The following CD320 variants were observed in gnomAD, a reference collection of about 807,000 sequenced individuals.
CD320 encodes CD320 antigen.
In CD320, 16 loss-of-function variants were observed where a neutral mutation model predicts 22.1. The observed-to-expected ratio is 0.73, with a 90% CI of 0.49 to 1.10. The LOEUF is 1.10. CD320 is among the 50% of genes least tolerant of loss of function. CD320 has a pLI of 0.00. For synonymous variants in CD320, 188 were observed against 167.8 expected (o/e 1.12, Z -0.93); for missense variants, 388 against 376.9 (o/e 1.03, Z -0.24).
chr19:8,305,520 C>T, intron 1 of CD320: 1 of 276,258 alleles, frequency 3.6e-6, no homozygotes, highest in Non-Finnish European at 7.3e-6. Flanking sequence ...CCAGCCTGGC[C>T]TACATGGAAA....
rs770916540 is a variant in CD320 at position 8,304,993 on chromosome 19, GCC to G, written c.268+36_268+37del. On this transcript the variant is annotated intron_variant, in intron 2 of 4. Coordinates refer to ENST00000301458, the MANE Select transcript of CD320 (RefSeq NM_016579.4). ...CCCTGACAAACCACCCTCAGGCCCC[GCC>G]CCCTGTAAGCCCCGCCAAGGGGCGT... 6.3e-6 allele frequency: 10 copies of G among 1,597,052 alleles called. No homozygotes were observed. The East Asian group carries it at 2.0e-4, about 32-fold the overall frequency.
rs531950944 is a variant in CD320 at position 8,303,773 on chromosome 19, C to G, written c.502+82G>C. ...AGGCACGGGCAAAGGCATGTGTCCACGCCCCCAGCCTGGCCACGCCCCAGC... is the reference window on the plus strand; with the variant it reads ...AGGCACGGGCAAAGGCATGTGTCCAGGCCCCCAGCCTGGCCACGCCCCAGC... On this transcript the variant is annotated intron_variant, in intron 3 of 4. Transcript: ENST00000301458. 5.4e-6 allele frequency: 5 copies of G among 931,484 alleles called. No individual in the cohort carries two copies. The East Asian group carries it at 1.1e-4, about 20-fold the overall frequency. The allele number at this position is 931,484 out of a possible 1,614,324, so 57.7% of individuals were successfully genotyped here.
At position 8,308,338 on chromosome 19, in the gene CD320, T is replaced by A. The variant is rs1354800864; in HGVS notation, c.-48A>T. 1 of 1,567,852 alleles carries A rather than the reference T, an allele frequency of 6.4e-7. No homozygotes were observed. Among genetic ancestry groups the A allele is most frequent in the Non-Finnish European group, 8.6e-7 (1 of 1,164,226 alleles). ...CCACGCGCTGTCCAGACCGCTCTCT[T>A]ATCCCTGCGCACGCGCACGCGCGGG... On this transcript the variant is annotated 5_prime_UTR_variant, in exon 1 of 5. Transcript: ENST00000301458.
intron 1 of CD320, chr19:8,305,402 G>A (rs1970074454): frequency 2.2e-6 from 1 of 456,412 alleles, no homozygotes; most frequent in Non-Finnish European, 4.1e-6. Flanking sequence ...GGAACCAAGA[G>A]GAGGCCATAC....
chr19:8,308,122 G>T (rs766916072), intron 1 of CD320, 27 bp downstream of exon 1: 2 of 1,471,420 alleles, frequency 1.4e-6, no homozygotes, highest in South Asian at 2.8e-5. Flanking sequence ...CGAGGGGTGG[G>T]AGCCCGCGCT....
chr19:8,302,690 G>A, intron 4 of CD320, 85 bp from the exon 5 acceptor site: 1 of 1,602,622 alleles, frequency 6.2e-7, no homozygotes, highest in South Asian at 1.1e-5. Flanking sequence ...ATGGGGATGG[G>A]AGTTCTGCAG....
At chr19:8,307,583 C>T (rs1447178579) in intron 1 of CD320, among the ~76,000 whole-genome samples, 7 of 152,064 alleles carry the variant, frequency 4.6e-5, no homozygotes, top group Non-Finnish European at 1.0e-4. Flanking sequence ...TAGGCCAGGG[C>T]GAACACGTCC....
rs1416304282 is a variant in CD320 at position 8,302,396 on chromosome 19, G to A, written c.*67C>T. On this transcript the variant is annotated 3_prime_UTR_variant, in exon 5 of 5. Coordinates refer to ENST00000301458, the MANE Select transcript of CD320 (RefSeq NM_016579.4). ...GGCTGGTGTGCCCGGGTACCCATCC[G>A]CATCACTGCTCTCCTCCTGTCCGGC... 9.4e-6 allele frequency: 15 copies of A among 1,597,204 alleles called. No individual in the cohort carries two copies. The highest frequency in any genetic ancestry group is 2.7e-5 in the African/African-American group (2 of 74,562).
chr19:8,308,012 A>C, intron 1 of CD320, 137 bp downstream of exon 1: 1 of 923,810 alleles, frequency 1.1e-6, no homozygotes, highest in Non-Finnish European at 1.5e-6. Flanking sequence ...CCCACAAGCG[A>C]TGAAGTCCAA....
Position 8,302,529 on chromosome 19 carries a change from T to C in CD320, c.783A>G (p.Pro261=), listed in dbSNP as rs1568555935. Residue 261 remains proline (P), a synonymous_variant, in exon 5 of 5, where the codon CCA becomes CCG. Transcript: ENST00000301458. The part of the protein sequence containing the change: ...SWLRAQERLR[P]LGLLVAMKES... ...CCTTCATGGCCACCAGTAACCCCAG[T>C]GGGCGGAGGCGCTCCTGGGCTCGGA... The C allele has an allele frequency of 6.2e-7, 1 of 1,614,016 alleles. No individual in the cohort carries two copies.
intron 2 of CD320, chr19:8,304,742 G>A (rs1443747568): frequency 9.7e-6 from 4 of 411,798 alleles, no homozygotes; most frequent in African/African-American, 6.3e-5. Context: ...CTGTTGCCCA[G>A]GCTGGAGTGC....
chr19:8,304,832 G>T, intron 2 of CD320, 199 bp downstream of exon 2: 1 of 579,386 alleles, frequency 1.7e-6, no homozygotes, highest in Non-Finnish European at 3.1e-6. Context: ...CTCCCAAAGT[G>T]CTGGGATTGC....
rs1329946054 is a variant in CD320, at chr19:8,305,132, G to A, written c.167C>T (p.Pro56Leu). 2 of 1,611,292 alleles carry A rather than the reference G, an allele frequency of 1.2e-6. No individual in the cohort carries two copies. The highest frequency in any genetic ancestry group is 1.7e-6 in the Non-Finnish European group (2 of 1,179,008). Residue 56 changes from proline to leucine, a missense_variant, in exon 2 of 5, where the codon CCC (proline) becomes CTC (leucine). Pro to Leu is a moderately conservative substitution (Grantham distance 98). Coordinates refer to ENST00000301458, the MANE Select transcript of CD320 (RefSeq NM_016579.4). ...AAGPSSGSCP[P>L]TKFQCRTSGL... ...ACTGGTGCGGCACTGGAACTTGGTG[G>A]GTGGGCACGAGCCTGAGCTGGGGCC...
intron 3 of CD320, 51 bp downstream of exon 3, chr19:8,303,804 G>A (rs1235350872): frequency 7.8e-7 from 1 of 1,283,102 alleles, no homozygotes; most frequent in Admixed American, 2.0e-5. Context: ...CCAGCAGGCA[G>A]TGGGTGTCCC....
chr19:8,308,201 G>A lies in CD320; in HGVS notation c.90C>T (p.Gly30=), dbSNP rs1384939879. ...ALLLLLGLGL[G]LEAAASPLST... ...AAAGCGGGCTCGCGGCGGCCTCCAGGCCTAGTCCGAGGCCGAGCAGCAGCA... is the reference window on the plus strand; with the variant it reads ...AAAGCGGGCTCGCGGCGGCCTCCAGACCTAGTCCGAGGCCGAGCAGCAGCA... Residue 30 remains glycine, a synonymous_variant, in exon 1 of 5, where the codon GGC becomes GGT. Coordinates refer to ENST00000301458, the MANE Select transcript of CD320 (RefSeq NM_016579.4). 6.4e-7 allele frequency: 1 copy of A among 1,569,378 alleles called. No individual in the cohort carries two copies. The highest frequency in any genetic ancestry group is 8.6e-7 in the Non-Finnish European group (1 of 1,164,894).
intron 3 of CD320, 30 bp downstream of exon 3, chr19:8,303,825 C>T (rs747385964): frequency 1.4e-6 from 2 of 1,464,388 alleles, no homozygotes; most frequent in South Asian, 1.2e-5. Flanking sequence ...CATCTACCCA[C>T]GAGTCCACCC....
In CD320 at chr19:8,304,995, C is replaced by T. The variant is rs776435755; in HGVS notation, c.268+36G>A. ...CTGACAAACCACCCTCAGGCCCCGC[C>T]CCCTGTAAGCCCCGCCAAGGGGCGT... is the stretch of plus-strand genomic sequence containing the variant. On this transcript the variant is annotated intron_variant, in intron 2 of 4. Transcript: ENST00000301458. 4 of 1,598,774 alleles carry T rather than the reference C, an allele frequency of 2.5e-6. No individual in the cohort carries two copies. In the African/African-American group the frequency reaches 5.3e-5, roughly 21 times the overall value.
At chr19:8,302,677 C>T (rs1165097250) in intron 4 of CD320, 72 bp from the exon 5 acceptor site, 2 of 1,605,584 alleles carry the variant, frequency 1.2e-6, no homozygotes, top group African/African-American at 1.3e-5. Context: ...AAGCTCCATA[C>T]ACATGGGGAT....
Position 8,304,020 on chromosome 19 carries a change from C to G in CD320, c.337G>C (p.Val113Leu). The change falls in exon 3 of 5, where the codon GTC (valine) becomes CTC (leucine). Residue 113 changes from valine to leucine, a missense_variant. Transcript: ENST00000301458. ...TCAGTTCCCCCAGAGCAGTCACTGA[C>G]GCCGGTGCAGGGGCAGGGGAGGCCA... ...PPGLPCPCTG[V>L]SDCSGGTDKK... 1 of 1,566,008 alleles carries G rather than the reference C, an allele frequency of 6.4e-7. No individual in the cohort carries two copies.
Sources: gnomAD v4.1 joint callset for allele counts (sites outside exome capture counted in the v4.1 genomes callset) on GRCh38, gnomAD v4.1.1 for gene constraint, MANE v1.5 for transcripts, NCBI Gene and HGNC (gene_info 2026-07-23, HGNC 2026-07-21) for gene names.